The following IGSF9 variants were observed in gnomAD, a reference collection of about 807,000 sequenced individuals.
IGSF9 encodes immunoglobulin superfamily member 9, also known as protein turtle homolog A.
A neutral mutation model predicts 121.7 loss-of-function variants in IGSF9; 87 were observed. That is an observed-to-expected ratio of 0.71 (90% CI 0.60 to 0.85). The LOEUF (loss-of-function observed/expected upper bound fraction) is 0.85, where lower values mean the gene tolerates loss of function less well. IGSF9 is among the 40% of genes least tolerant of loss of function. The probability of loss-of-function intolerance (pLI) is 0.00; values close to 1 mark genes in which losing one functional copy is unlikely to be tolerated. For synonymous variants in IGSF9, 640 were observed against 648.4 expected, an observed-to-expected ratio of 0.99 and a Z score of 0.20; for missense variants, 1,462 against 1,565.3, an observed-to-expected ratio of 0.93 and a Z score of 1.11.
At chr1:159,944,064 T>A (rs1014104908) in intron 1 of IGSF9, among the ~76,000 whole-genome samples, 2 of 152,142 alleles carry the variant, frequency 1.3e-5, no homozygotes, top group African/African-American at 4.8e-5. Flanking sequence ...TCACAAGGTA[T>A]AGCAGCAAGA....
At chr1:159,934,112 C>G in intron 9 of IGSF9, 78 bp downstream of exon 9, 1 of 1,495,998 alleles carries the variant, frequency 6.7e-7, no homozygotes. Context: ...CTGAATTAAA[C>G]CGAGCTAACT....
At chr1:159,936,557 A>G (rs2101880024) in intron 5 of IGSF9, 41 bp from the exon 6 acceptor site, 2 of 1,590,814 alleles carry the variant, frequency 1.3e-6, no homozygotes, top group East Asian at 2.2e-5. Flanking sequence ...TTCCCCTGCC[A>G]GCCTCAGATC....
At position 159,937,735 on chromosome 1, in the gene IGSF9, G is replaced by C; in HGVS notation, c.351C>G (p.Ile117Met). 1 of 1,614,038 alleles carries C rather than the reference G, an allele frequency of 6.2e-7. No homozygotes were observed. Among genetic ancestry groups the C allele is most frequent in the Non-Finnish European group, 8.5e-7 (1 of 1,179,962 alleles). ...AGCCGTTAGCAAAATCGTCTTCAGG[G>C]ATGTGCTGGTCCAGGAAGAACACGC... The part of the protein sequence containing the change: ...ECRVFFLDQH[I>M]PEDDFANGSW... Residue 117 changes from isoleucine (I) to methionine (M), a missense_variant, in exon 4 of 21, where the codon ATC becomes ATG. Ile to Met is a conservative substitution (Grantham distance 10). Around this residue, in one of 3 missense-constraint regions of IGSF9, gnomAD observed 558 missense variants for 599.4 expected, o/e 0.93. Coordinates refer to ENST00000368094, the MANE Select transcript of IGSF9 (RefSeq NM_001135050.2).
At chr1:159,937,040 G>T in intron 4 of IGSF9, 132 bp from the exon 5 acceptor site, 1 of 838,618 alleles carries the variant, frequency 1.2e-6, no homozygotes. Context: ...GGAGTCCTCA[G>T]CCCAGGGCCA....
intron 3 of IGSF9, among the ~76,000 whole-genome samples, 158 bp downstream of exon 3, chr1:159,942,805 G>A (rs1651434566): frequency 1.3e-5 from 2 of 152,088 alleles, no homozygotes; most frequent in East Asian, 1.9e-4. Context: ...AACACTGCTT[G>A]GGAGCACAGC....
chr1:159,931,408 C>G lies in IGSF9; in HGVS notation c.1513+45G>C. On this transcript the variant is annotated intron_variant, in intron 12 of 20. Transcript: ENST00000368094. This position sits in a 1 kb window ranked among gnomAD's most constrained non-coding sequence, Gnocchi z 4.8. ...CTTTCTGGGCCTCCAAAAACGATTCCCAAGTAGTTTCTCCCAGCCCCTGGC... is the reference window on the plus strand; with the variant it reads ...CTTTCTGGGCCTCCAAAAACGATTCGCAAGTAGTTTCTCCCAGCCCCTGGC... 2 of 1,602,450 alleles carry G rather than the reference C, an allele frequency of 1.2e-6. No homozygotes were observed. The highest frequency in any genetic ancestry group is 1.7e-6 in the Non-Finnish European group (2 of 1,171,956).
chr1:159,935,123 C>A (rs543794208), intron 6 of IGSF9, among the ~76,000 whole-genome samples: 2 of 152,244 alleles, frequency 1.3e-5, no homozygotes, highest in South Asian at 4.1e-4. Flanking sequence ...GCTCATTTAC[C>A]ATTTGTATCC....
chr1:159,931,968 C>T lies in IGSF9; in HGVS notation c.1246-40G>A, dbSNP rs201520130. On this transcript the variant is annotated intron_variant, in intron 10 of 20. Transcript: ENST00000368094. The surrounding 1 kb of genome is among the most constrained non-coding windows in gnomAD (Gnocchi z 4.8). The stretch of plus-strand genomic sequence containing the variant: ...TGGCATTGGGAGGGGCCCTCTCTTA[C>T]ATCTAAGGCTGGCTACTCCCTCTCT... 1.8e-5 allele frequency: 24 copies of T among 1,303,962 alleles called. No individual in the cohort carries two copies. Among genetic ancestry groups the T allele is most frequent in the Non-Finnish European group, 2.5e-5 (23 of 924,454 alleles). 80.8% of individuals were successfully genotyped at this position (1,303,962 alleles called of 1,614,324 possible).
At position 159,927,125 on chromosome 1, in the gene IGSF9, GA is replaced by G; in HGVS notation, c.*219del. 1.7e-6 allele frequency: 1 copy of G among 591,574 alleles called. No individual in the cohort carries two copies. 36.6% of individuals were successfully genotyped at this position (591,574 alleles called of 1,614,324 possible). A position where few individuals can be genotyped will look rare whatever the true frequency, so the allele number is the denominator to read the frequency against. ...AGAGAGAGAGAGAGAGAGAGAGAGAGAGAGAGGCAGACCTAAGATCCCTGTT... is the reference window on the plus strand; with the variant it reads ...AGAGAGAGAGAGAGAGAGAGAGAGAGGAGAGGCAGACCTAAGATCCCTGTT... On this transcript the variant is annotated 3_prime_UTR_variant, in exon 21 of 21. Transcript: ENST00000368094.
Position 159,934,187 on chromosome 1 carries a change from T to C in IGSF9, c.1104+3A>G. 1 of 1,611,964 alleles carries C rather than the reference T, an allele frequency of 6.2e-7. No individual in the cohort carries two copies. The highest frequency in any genetic ancestry group is 8.5e-7 in the Non-Finnish European group (1 of 1,179,108). ...CCCTCCTTCCCCTGCCCCAAGCCTG[T>C]ACCTTGTCCAGCTGCAGGGCCTTTC... On this transcript the variant is annotated splice_donor_region_variant and intron_variant, in intron 9 of 20. Transcript: ENST00000368094.
At chr1:159,942,354 G>A (rs1324448671) in intron 3 of IGSF9, among the ~76,000 whole-genome samples, 1 of 152,104 alleles carries the variant, frequency 6.6e-6, no homozygotes, top group Non-Finnish European at 1.5e-5. Flanking sequence ...ACTGACCTTT[G>A]GGGATCCTGG....
intron 17 of IGSF9, 114 bp downstream of exon 17, chr1:159,929,524 C>A: frequency 6.8e-7 from 1 of 1,479,698 alleles, no homozygotes; most frequent in Non-Finnish European, 9.2e-7. Flanking sequence ...AGATGCAGGA[C>A]TAAGAGAATG....
In IGSF9 at chr1:159,927,529, G is replaced by C. The variant is rs746406023; in HGVS notation, c.3359-3C>G. ...GCCCTCCTCTGGAGTCTTCACACCT[G>C]CAAGAGGCGGGCAGGACAATGAGAA... On this transcript the variant is annotated splice_polypyrimidine_tract_variant and splice_region_variant and intron_variant, in intron 20 of 20. Coordinates refer to ENST00000368094, the MANE Select transcript of IGSF9 (RefSeq NM_001135050.2). 4 of 1,609,972 alleles carry C rather than the reference G, an allele frequency of 2.5e-6. No individual in the cohort carries two copies. The highest frequency in any genetic ancestry group is 3.4e-6 in the Non-Finnish European group (4 of 1,176,914).
intron 4 of IGSF9, 35 bp downstream of exon 4, chr1:159,937,651 C>G (rs12751760): frequency 2.5e-6 from 4 of 1,601,354 alleles, no homozygotes; most frequent in Non-Finnish European, 2.6e-6. Flanking sequence ...TCCTCCTCCC[C>G]GTCCTTCTCC....
intron 2 of IGSF9, 64 bp from the exon 3 acceptor site, chr1:159,943,215 C>CTACAGAGATACTG: frequency 7.0e-7 from 1 of 1,425,242 alleles, no homozygotes; most frequent in Non-Finnish European, 9.5e-7. Flanking sequence ...GGGGGAGTGC[C>CTACAGAGATACTG]ATCAGTATCT....
In IGSF9 at chr1:159,932,777, G is replaced by T; in HGVS notation, c.1105-125C>A. ...GTGCAGAAGACTCCAGCAGCTCCAT[G>T]TCTAGGCCTGACCCCTCTCTGATTT... is the stretch of plus-strand genomic sequence containing the variant. On this transcript the variant is annotated intron_variant, in intron 9 of 20. Coordinates refer to ENST00000368094, the MANE Select transcript of IGSF9 (RefSeq NM_001135050.2). This position sits in a 1 kb window ranked among gnomAD's most constrained non-coding sequence, Gnocchi z 4.1. The T allele has an allele frequency of 1.1e-6, 1 of 901,886 alleles. No individual in the cohort carries two copies. Among genetic ancestry groups the T allele is most frequent in the Non-Finnish European group, 1.6e-6 (1 of 610,922 alleles). The allele number at this position is 901,886 out of a possible 1,614,324, so 55.9% of individuals were successfully genotyped here.
intron 8 of IGSF9, 32 bp downstream of exon 8, chr1:159,934,393 C>G (rs1273014583): frequency 4.3e-5 from 67 of 1,568,510 alleles, no homozygotes; most frequent in Non-Finnish European, 5.6e-5. Flanking sequence ...GGGAAGGGAG[C>G]AGGCTGAGGG....
intron 3 of IGSF9, among the ~76,000 whole-genome samples, chr1:159,941,221 C>T (rs757170463): frequency 5.3e-5 from 8 of 152,194 alleles, no homozygotes; most frequent in African/African-American, 1.4e-4. Context: ...CAACAGTCCC[C>T]GACCCATCTC....
At chr1:159,941,110 G>GCTT (rs113893671) in intron 3 of IGSF9, among the ~76,000 whole-genome samples, 17,765 of 152,048 alleles carry the variant, frequency 0.12, 1,937 homozygotes, top group African/African-American at 0.29. Flanking sequence ...TCTACTAGAT[G>GCTT]CTTCTAGAGT....
Sources: allele counts gnomAD v4.1 joint callset (sites outside exome capture counted in the v4.1 genomes callset), GRCh38; gene constraint gnomAD v4.1.1; regional missense constraint gnomAD v4.1.1; non-coding constraint Gnocchi (gnomAD v3.1); transcripts MANE v1.5; gene names NCBI Gene and HGNC (gene_info 2026-07-23, HGNC 2026-07-21).